Variants in DLGAP1 observed in about 807,000 individuals in gnomAD.
The protein encoded by DLGAP1 is disks large-associated protein 1.
In DLGAP1, 11 loss-of-function variants were observed where a neutral mutation model predicts 90.8. The observed-to-expected ratio is 0.12, with a 90% CI of 0.08 to 0.20. The LOEUF is 0.20. Ranked by LOEUF, DLGAP1 falls within the 10% of genes least tolerant of loss-of-function variation. The pLI is 1.00. For missense variants in DLGAP1, 1,050 were observed against 1,333.8 expected, an observed-to-expected ratio of 0.79 and a Z score of 3.31; for synonymous variants, 558 against 540.7, an observed-to-expected ratio of 1.03 and a Z score of -0.44.
At chr18:3,861,767 C>CACTAG (rs2070076844) in intron 4 of DLGAP1, among the ~76,000 whole-genome samples, 1 of 152,260 alleles carries the variant, frequency 6.6e-6, no homozygotes, top group African/African-American at 2.4e-5. Flanking sequence ...GACAACCCTG[C>CACTAG]TGATGTTCCA....
At chr18:4,094,072 T>C (rs911308849) in intron 2 of DLGAP1, among the ~76,000 whole-genome samples, 9 of 152,232 alleles carry the variant, frequency 5.9e-5, no homozygotes, top group Non-Finnish European at 1.2e-4. Flanking sequence ...TAGTATTTTA[T>C]GATTTTTACA....
At position 4,258,018 on chromosome 18, in the gene DLGAP1, C is replaced by T. The variant is rs1047733310; in HGVS notation, c.-266-106731G>A. ...GTGTGTGTGTGTGTGTGTGCGCGCGCGCGCGTATAACCTATGTTGAATTCT... is the reference window on the plus strand; with the variant it reads ...GTGTGTGTGTGTGTGTGTGCGCGCGTGCGCGTATAACCTATGTTGAATTCT... On this transcript the variant is annotated intron_variant, in intron 1 of 12. Coordinates refer to ENST00000315677, the MANE Select transcript of DLGAP1 (RefSeq NM_004746.4). Among the ~76,000 whole-genome samples the T allele has an allele frequency of 3.2e-4, 46 of 143,588 alleles. 1 individual carries two copies. Among genetic ancestry groups the T allele is most frequent in the South Asian group, 4.3e-4 (2 of 4,630 alleles). The allele number at this position is 143,588 out of a possible 152,430, so 94.2% of individuals were successfully genotyped here. A position where few individuals can be genotyped will look rare whatever the true frequency, so the allele number is the denominator to read the frequency against.
chr18:3,863,091 A>G lies in DLGAP1; in HGVS notation c.957+16021T>C, dbSNP rs1437965938. 2.0e-5 allele frequency among the ~76,000 whole-genome samples: 3 copies of G among 152,268 alleles called. No homozygotes were observed. The East Asian group carries it at 5.8e-4, about 29-fold the overall frequency. On this transcript the variant is annotated intron_variant, in intron 4 of 12. Transcript: ENST00000315677. The stretch of plus-strand genomic sequence containing the variant: ...CGGAAATGTTGATTGAGGGATTAAT[A>G]AACAACAGGAAACATGGTTACTGAC...
intron 2 of DLGAP1, among the ~76,000 whole-genome samples, chr18:4,145,031 G>A (rs181809676): frequency 5.3e-5 from 8 of 151,842 alleles, no homozygotes; most frequent in East Asian, 3.9e-4. Context: ...GTACTTAATC[G>A]GTCATTTTAT....
intron 7 of DLGAP1, among the ~76,000 whole-genome samples, chr18:3,694,474 G>A (rs933909838): frequency 6.6e-6 from 1 of 152,150 alleles, no homozygotes; most frequent in Non-Finnish European, 1.5e-5. Flanking sequence ...CTTCCACAAT[G>A]GTTGAACTAA....
At chr18:4,093,009 T>C (rs1028533892) in intron 2 of DLGAP1, among the ~76,000 whole-genome samples, 1 of 152,218 alleles carries the variant, frequency 6.6e-6, no homozygotes, top group African/African-American at 2.4e-5. Context: ...TTGTCTTTCT[T>C]AGGATTTCAG....
intron 2 of DLGAP1, among the ~76,000 whole-genome samples, chr18:4,124,872 C>T (rs189780197): frequency 2.6e-5 from 4 of 152,260 alleles, no homozygotes; most frequent in African/African-American, 9.6e-5. Context: ...GCCATTGTTA[C>T]CAGCAGTAGA....
chr18:4,125,521 G>A (rs2076219231), intron 2 of DLGAP1, among the ~76,000 whole-genome samples: 1 of 152,204 alleles, frequency 6.6e-6, no homozygotes. Context: ...GTGTCTATCT[G>A]TGTAGACATA....
chr18:3,797,649 A>G (rs1189579033), intron 5 of DLGAP1, among the ~76,000 whole-genome samples: 1 of 152,232 alleles, frequency 6.6e-6, no homozygotes, highest in Non-Finnish European at 1.5e-5. Flanking sequence ...GAACAGTTTT[A>G]AAGCGGGAGG....
chr18:3,573,607 T>A (rs2054936111), intron 8 of DLGAP1, among the ~76,000 whole-genome samples: 1 of 152,118 alleles, frequency 6.6e-6, no homozygotes, highest in Non-Finnish European at 1.5e-5. Flanking sequence ...GTTAAAATGA[T>A]CCAAGTCCGT....
At chr18:4,269,676 T>C (rs1383208060) in intron 1 of DLGAP1, among the ~76,000 whole-genome samples, 1 of 152,150 alleles carries the variant, frequency 6.6e-6, no homozygotes, top group Non-Finnish European at 1.5e-5. Context: ...TATTTTATTT[T>C]CACCGAGAAA....
intron 7 of DLGAP1, among the ~76,000 whole-genome samples, chr18:3,685,612 ATTAT>A (rs148957263): frequency 4.1e-5 from 6 of 145,930 alleles, no homozygotes; most frequent in Non-Finnish European, 8.9e-5. Context: ...GTACCCTTTA[ATTAT>A]TTATTTATTT....
At chr18:4,382,043 T>C (rs993954839) in intron 1 of DLGAP1, among the ~76,000 whole-genome samples, 2 of 152,110 alleles carry the variant, frequency 1.3e-5, no homozygotes, top group African/African-American at 2.4e-5. Context: ...CGGGAAAGAC[T>C]TGCCCCCATG....
chr18:4,003,036 C>G (rs913935567), intron 3 of DLGAP1, among the ~76,000 whole-genome samples: 1 of 152,198 alleles, frequency 6.6e-6, no homozygotes, highest in South Asian at 2.1e-4. Flanking sequence ...ACAGGACAGT[C>G]ACAAACATCT....
At chr18:3,826,628 G>A (rs1310660683) in intron 4 of DLGAP1, among the ~76,000 whole-genome samples, 1 of 152,194 alleles carries the variant, frequency 6.6e-6, no homozygotes, top group Non-Finnish European at 1.5e-5. Context: ...AGAGGTGGCA[G>A]AAGGTGAGGA....
intron 9 of DLGAP1, among the ~76,000 whole-genome samples, chr18:3,550,707 G>A (rs1471585806): frequency 6.7e-6 from 1 of 148,462 alleles, no homozygotes; most frequent in Non-Finnish European, 1.5e-5. Flanking sequence ...AATCAACACT[G>A]CTGACATCTT....
intron 5 of DLGAP1, among the ~76,000 whole-genome samples, chr18:3,776,267 T>C (rs1365318970): frequency 6.6e-6 from 1 of 152,182 alleles, no homozygotes; most frequent in African/African-American, 2.4e-5. Flanking sequence ...AGAGGAAACA[T>C]TAACTTTGGC....
At chr18:3,862,509 G>A (rs7242426) in intron 4 of DLGAP1, among the ~76,000 whole-genome samples, 142,656 of 152,234 alleles carry the variant, frequency 0.94, 66,959 homozygotes, top group East Asian at 0.98. Flanking sequence ...CTACTTGGCT[G>A]ATGGTGAGGG....
chr18:3,668,146 G>A, intron 7 of DLGAP1, among the ~76,000 whole-genome samples: 1 of 151,982 alleles, frequency 6.6e-6, no homozygotes, highest in East Asian at 1.9e-4. Flanking sequence ...CCCTTCTCTT[G>A]TTCAGATGGC....
Sources: gnomAD v4.1 joint callset for allele counts (sites outside exome capture counted in the v4.1 genomes callset) on GRCh38, gnomAD v4.1.1 for gene constraint, MANE v1.5 for transcripts, NCBI Gene and HGNC (gene_info 2026-07-23, HGNC 2026-07-21) for gene names.